SDC3: variants seen among roughly 807,000 people sequenced by gnomAD.
SDC3 encodes the protein syndecan-3.
In SDC3, 13 loss-of-function variants were observed where a neutral mutation model predicts 24.4. The ratio of observed to expected loss-of-function variants is 0.53; its 90% CI spans 0.35 to 0.85. The LOEUF (loss-of-function observed/expected upper bound fraction) is 0.85. SDC3 is among the 40% of genes least tolerant of loss of function. The probability of loss-of-function intolerance (pLI) is 0.01; values close to 1 mark genes in which losing one functional copy is unlikely to be tolerated. For missense variants in SDC3, 571 were observed against 584.5 expected (o/e 0.98, Z 0.24); for synonymous variants, 295 against 260.9 (o/e 1.13, Z -1.26).
chr1:30,896,905 G>A (rs913465991), intron 1 of SDC3, among the ~76,000 whole-genome samples: 3 of 152,216 alleles, frequency 2.0e-5, no homozygotes, highest in African/African-American at 7.2e-5. Flanking sequence ...GGAGGTTGCA[G>A]TGAACCAAGA....
intron 1 of SDC3, among the ~76,000 whole-genome samples, chr1:30,895,969 C>T (rs965246999): frequency 2.0e-5 from 3 of 152,116 alleles, no homozygotes; most frequent in African/African-American, 7.2e-5. Flanking sequence ...GCCTCCGAGC[C>T]CACAGTCTGT....
At chr1:30,895,733 G>A (rs1174908665) in intron 1 of SDC3, among the ~76,000 whole-genome samples, 5 of 152,124 alleles carry the variant, frequency 3.3e-5, no homozygotes, top group Non-Finnish European at 7.4e-5. Context: ...TCCCCAAGGG[G>A]AGCCCTCAGG....
At chr1:30,893,770 C>A (rs779797791) in intron 1 of SDC3, among the ~76,000 whole-genome samples, 13 of 152,152 alleles carry the variant, frequency 8.5e-5, no homozygotes, top group Non-Finnish European at 1.3e-4. Flanking sequence ...GTCTCCTGGC[C>A]TCTCTGACCC....
chr1:30,902,618 G>A (rs1049584840), intron 1 of SDC3, among the ~76,000 whole-genome samples: 1 of 152,214 alleles, frequency 6.6e-6, no homozygotes, highest in African/African-American at 2.4e-5. Context: ...TGGGAGCAAG[G>A]GCCTGGGGCC....
chr1:30,892,816 G>A (rs1026842973), intron 1 of SDC3, among the ~76,000 whole-genome samples: 3 of 152,146 alleles, frequency 2.0e-5, no homozygotes, highest in Admixed American at 1.3e-4. Context: ...CTCAGAGGAC[G>A]ACACAAGTAT....
At chr1:30,879,015 G>A in intron 1 of SDC3, 1 of 403,662 alleles carries the variant, frequency 2.5e-6, no homozygotes, top group South Asian at 3.5e-5. Context: ...CTGCACATCT[G>A]AATATTGTGA....
At chr1:30,905,587 G>A (rs965890958) in intron 1 of SDC3, among the ~76,000 whole-genome samples, 4 of 152,072 alleles carry the variant, frequency 2.6e-5, no homozygotes, top group African/African-American at 9.6e-5. Flanking sequence ...GAGAGGTTAG[G>A]TAACTTTCAC....
intron 1 of SDC3, among the ~76,000 whole-genome samples, chr1:30,907,957 G>A (rs2124349571): frequency 6.6e-6 from 1 of 152,316 alleles, no homozygotes. Context: ...ACACCCACGA[G>A]GCAAAAGCCA....
intron 1 of SDC3, among the ~76,000 whole-genome samples, chr1:30,894,989 A>T (rs1333549201): frequency 1.3e-5 from 2 of 151,888 alleles, no homozygotes; most frequent in Non-Finnish European, 2.9e-5. Flanking sequence ...GGACAAGGGT[A>T]TTTGCACAGG....
At chr1:30,880,644 C>G (rs574299585) in intron 1 of SDC3, 1 of 152,260 alleles carries the variant, frequency 6.6e-6, no homozygotes, top group African/African-American at 2.4e-5. Context: ...CACCTGGGAC[C>G]TGCAGGCATG....
At chr1:30,881,952 G>GCAATGC (rs1639751329) in intron 1 of SDC3, among the ~76,000 whole-genome samples, 2 of 152,094 alleles carry the variant, frequency 1.3e-5, no homozygotes, top group African/African-American at 4.8e-5. Context: ...CATCAACTCG[G>GCAATGC]CAATGCCCAC....
rs770628492 is a variant in SDC3, at chr1:30,877,118, C to G, written c.304G>C (p.Asp102His). Reference sequence around the variant, plus strand: ...GTGGTGGACACCGCCAGGGCTACATCTGGGCTGAAGCGCATGGCTGTCTCA... The same window carrying G: ...GTGGTGGACACCGCCAGGGCTACATGTGGGCTGAAGCGCATGGCTGTCTCA... ...GIETAMRFSP[D>H]VALAVSTTPA... is the part of the protein sequence containing the mutation. Residue 102 changes from aspartate (D) to histidine (H), a missense_variant, in exon 3 of 5, where the codon GAT becomes CAT. Transcript: ENST00000339394. 6.2e-7 allele frequency: 1 copy of G among 1,613,966 alleles called. No homozygotes were observed. Among genetic ancestry groups the G allele is most frequent in the African/African-American group, 1.3e-5 (1 of 74,998 alleles).
chr1:30,908,756 C>A lies in SDC3; in HGVS notation c.-170G>T. 1 of 154,570 alleles carries A rather than the reference C, an allele frequency of 6.5e-6. No homozygotes were observed. The highest frequency in any genetic ancestry group is 1.9e-4 in the South Asian group (1 of 5,130). The allele number at this position is 154,570 out of a possible 1,614,324, so 9.6% of individuals were successfully genotyped here. A position where few individuals can be genotyped will look rare whatever the true frequency, so the allele number is the denominator to read the frequency against. On this transcript the variant is annotated 5_prime_UTR_variant, in exon 1 of 5. Coordinates refer to ENST00000339394, the MANE Select transcript of SDC3 (RefSeq NM_014654.4). ...CGGCTCCGCCTCGCAGCTCCGCGCC[C>A]ACAGCGGCCGCGCCCGCAGGAAGCG...
At chr1:30,874,720 A>C in intron 3 of SDC3, 132 bp from the exon 4 acceptor site, 2 of 819,652 alleles carry the variant, frequency 2.4e-6, no homozygotes, top group Non-Finnish European at 3.9e-6. Flanking sequence ...CACTATCCCC[A>C]TGAAGGAGTG....
At chr1:30,897,638 C>A (rs929814304) in intron 1 of SDC3, among the ~76,000 whole-genome samples, 3 of 152,184 alleles carry the variant, frequency 2.0e-5, no homozygotes, top group African/African-American at 4.8e-5. Flanking sequence ...GGATACCATG[C>A]TTTACAGTTA....
At position 30,869,524 on chromosome 1, in the gene SDC3, A is replaced by AAAC. The variant is rs139393886; in HGVS notation, c.*3686_*3687insGTT. 2,876 of 363,408 alleles carry AAAC rather than the reference A, an allele frequency of 7.9e-3. 34 individuals carry two copies. The highest frequency in any genetic ancestry group is 0.018 in the South Asian group (122 of 6,662). The allele number at this position is 363,408 out of a possible 1,614,324, so 22.5% of individuals were successfully genotyped here. A position where few individuals can be genotyped will look rare whatever the true frequency, so the allele number is the denominator to read the frequency against. ...TGGGCACAGCACAGGAAGTGTTAAA[A>AAAC]AAACAAACAAACAAAAAAAAAAAAA... is the stretch of plus-strand genomic sequence containing the variant. On this transcript the variant is annotated 3_prime_UTR_variant, in exon 5 of 5. Coordinates refer to ENST00000339394, the MANE Select transcript of SDC3 (RefSeq NM_014654.4).
intron 1 of SDC3, chr1:30,880,615 C>T (rs1166565008): frequency 7.2e-5 from 11 of 152,080 alleles, no homozygotes; most frequent in South Asian, 4.2e-4. Flanking sequence ...GGATGCTCAG[C>T]GGGAACTTAA....
At chr1:30,887,525 C>A (rs147985347) in intron 1 of SDC3, among the ~76,000 whole-genome samples, 1 of 152,202 alleles carries the variant, frequency 6.6e-6, no homozygotes, top group Non-Finnish European at 1.5e-5. Flanking sequence ...GCTCACCTCC[C>A]TGAACCACCA....
intron 1 of SDC3, among the ~76,000 whole-genome samples, chr1:30,898,245 C>T (rs1288156891): frequency 6.6e-6 from 1 of 152,198 alleles, no homozygotes; most frequent in African/African-American, 2.4e-5. Flanking sequence ...TATACTGCGA[C>T]CTTCCCCACT....
Sources: gnomAD v4.1 joint callset for allele counts (sites outside exome capture counted in the v4.1 genomes callset) on GRCh38, gnomAD v4.1.1 for gene constraint, MANE v1.5 for transcripts, NCBI Gene and HGNC (gene_info 2026-07-23, HGNC 2026-07-21) for gene names.